Variants in TTC27 observed in about 807,000 individuals in gnomAD.
TTC27 encodes the protein tetratricopeptide repeat domain 27.
TTC27 carries 79 observed loss-of-function variants against 115.9 expected under a neutral mutation model. The observed-to-expected ratio is 0.68, with a 90% CI of 0.57 to 0.82. The LOEUF is 0.82. Ranked by LOEUF, TTC27 falls within the 40% of genes least tolerant of loss-of-function variation. The pLI is 0.00. For synonymous variants in TTC27, 401 were observed against 356.0 expected (o/e 1.13, Z -1.42); for missense variants, 1,054 against 993.1 (o/e 1.06, Z -0.82).
At chr2:32,803,463 G>A (rs1671027909) in intron 16 of TTC27, among the ~76,000 whole-genome samples, 1 of 152,228 alleles carries the variant, frequency 6.6e-6, no homozygotes, top group African/African-American at 2.4e-5. Flanking sequence ...GCCCATCTGT[G>A]AACCTTAGCA....
intron 9 of TTC27, among the ~76,000 whole-genome samples, chr2:32,679,429 C>G (rs1456910142): frequency 1.3e-5 from 2 of 152,048 alleles, no homozygotes; most frequent in Non-Finnish European, 2.9e-5. Flanking sequence ...AAAAGGAAAG[C>G]TGGAGTAATA....
At chr2:32,749,776 G>A (rs1024150021) in intron 12 of TTC27, among the ~76,000 whole-genome samples, 7 of 152,130 alleles carry the variant, frequency 4.6e-5, no homozygotes, top group Non-Finnish European at 1.0e-4. Flanking sequence ...TCAAAAATGG[G>A]CATGTTAATA....
chr2:32,766,707 G>A (rs75057644), intron 13 of TTC27, among the ~76,000 whole-genome samples: 10,076 of 152,250 alleles, frequency 0.066, 335 homozygotes, highest in Middle Eastern at 0.12. Context: ...ACAGAGACAC[G>A]AAGTAAGCAC....
chr2:32,645,392 T>C (rs983986777), intron 4 of TTC27, among the ~76,000 whole-genome samples: 1 of 152,216 alleles, frequency 6.6e-6, no homozygotes, highest in African/African-American at 2.4e-5. Flanking sequence ...TGCTCCCTGC[T>C]GTCTGGGAGG....
chr2:32,653,798 A>G (rs911373120), intron 5 of TTC27, among the ~76,000 whole-genome samples: 2 of 152,202 alleles, frequency 1.3e-5, no homozygotes, highest in African/African-American at 4.8e-5. Flanking sequence ...TGGTTTTAGC[A>G]TACATTTTAA....
chr2:32,733,325 G>C (rs1250182530), intron 10 of TTC27, among the ~76,000 whole-genome samples: 1 of 152,234 alleles, frequency 6.6e-6, no homozygotes, highest in Admixed American at 6.5e-5. Context: ...TCACATGAGT[G>C]AATGTCCAGC....
chr2:32,726,091 C>T (rs573432065), intron 10 of TTC27, among the ~76,000 whole-genome samples: 5 of 151,982 alleles, frequency 3.3e-5, no homozygotes, highest in Admixed American at 2.0e-4. Flanking sequence ...CCCACAAAAC[C>T]ACTCTTTCCT....
Position 32,664,442 on chromosome 2 carries a change from C to T in TTC27, c.780C>T (p.Ile260=). ...AKDQLDIAKD[I]SQLQIDLTGA... ...ATCAGTTGGATATTGCTAAGGACAT[C>T]AGCCAATTACAAATTGATTTGACAG... The change falls in exon 6 of 20, where the codon ATC becomes ATT. Residue 260 remains isoleucine, a synonymous_variant. Coordinates refer to ENST00000317907, the MANE Select transcript of TTC27 (RefSeq NM_017735.5). 6.2e-7 allele frequency: 1 copy of T among 1,602,972 alleles called. No homozygotes were observed. The highest frequency in any genetic ancestry group is 8.5e-7 in the Non-Finnish European group (1 of 1,177,664).
At chr2:32,662,761 T>A (rs1359595501) in intron 5 of TTC27, among the ~76,000 whole-genome samples, 2 of 152,302 alleles carry the variant, frequency 1.3e-5, no homozygotes. Context: ...AAGGGTTTTT[T>A]GTGTCTCTAT....
At chr2:32,760,671 T>A (rs1669404630) in intron 13 of TTC27, among the ~76,000 whole-genome samples, 1 of 152,202 alleles carries the variant, frequency 6.6e-6, no homozygotes, top group Non-Finnish European at 1.5e-5. Flanking sequence ...TGAAAAACTG[T>A]ATCATATCCT....
intron 12 of TTC27, among the ~76,000 whole-genome samples, chr2:32,756,897 GT>G (rs1187280353): frequency 1.3e-5 from 2 of 152,196 alleles, no homozygotes; most frequent in Admixed American, 6.5e-5. Context: ...GGTGGACATG[GT>G]GGTGGGAGGA....
chr2:32,709,075 T>C (rs1667484855), intron 10 of TTC27, among the ~76,000 whole-genome samples: 1 of 152,158 alleles, frequency 6.6e-6, no homozygotes, highest in African/African-American at 2.4e-5. Flanking sequence ...ATAAGATAAA[T>C]ATACATGAGT....
intron 10 of TTC27, 87 bp from the exon 11 acceptor site, chr2:32,733,741 T>C: frequency 2.8e-6 from 2 of 716,230 alleles, no homozygotes; most frequent in Non-Finnish European, 4.3e-6. Flanking sequence ...GTTGTTTATA[T>C]GTGCATTTGT....
chr2:32,705,512 C>T (rs938293607), intron 10 of TTC27, among the ~76,000 whole-genome samples: 4 of 149,742 alleles, frequency 2.7e-5, no homozygotes, highest in African/African-American at 9.7e-5. Context: ...ACTATACTAA[C>T]GAGGAGGTTT....
At chr2:32,663,464 G>A (rs530723248) in intron 5 of TTC27, among the ~76,000 whole-genome samples, 179 of 152,184 alleles carry the variant, frequency 1.2e-3, no homozygotes, top group African/African-American at 4.1e-3. Context: ...TGATCGCCTC[G>A]CCCTGCTTTG....
chr2:32,628,363 AG>A lies in TTC27; in HGVS notation c.76del (p.Val26SerfsTer23), dbSNP rs754912390. On this transcript the variant is annotated frameshift_variant, in exon 1 of 20. Transcript: ENST00000317907. LOFTEE classifies it high-confidence loss of function. ...TEAERQQWKQ[E>X]GVVGSESGSF... ...GCTGAGCGGCAGCAATGGAAACAGG[AG>A]GGGGTCGTCGGTTCAGGTGAGAGGC... 1.2e-6 allele frequency: 2 copies of A among 1,604,936 alleles called. No homozygotes were observed. Among genetic ancestry groups the A allele is most frequent in the South Asian group, 1.1e-5 (1 of 88,816 alleles).
rs1670589480 is a variant in TTC27, at chr2:32,793,057, T to C, written c.1998+5908T>C. Among the ~76,000 whole-genome samples the C allele has an allele frequency of 2.6e-5, 4 of 152,236 alleles. No individual in the cohort carries two copies. The South Asian group carries it at 8.3e-4, about 32-fold the overall frequency. On this transcript the variant is annotated intron_variant, in intron 16 of 19. Coordinates refer to ENST00000317907, the MANE Select transcript of TTC27 (RefSeq NM_017735.5). ...TACTATTACCTAAATGAAATCAAGATGTGGGTAAGGGATTTAAAGGCCATT... is the reference window on the plus strand; with the variant it reads ...TACTATTACCTAAATGAAATCAAGACGTGGGTAAGGGATTTAAAGGCCATT...
chr2:32,763,328 C>G (rs943421810), intron 13 of TTC27, among the ~76,000 whole-genome samples: 1 of 152,104 alleles, frequency 6.6e-6, no homozygotes, highest in Admixed American at 6.6e-5. Flanking sequence ...TATGTTGTCT[C>G]CTTTAAGACC....
intron 10 of TTC27, among the ~76,000 whole-genome samples, chr2:32,715,481 T>A (rs1667723075): frequency 6.6e-6 from 1 of 152,174 alleles, no homozygotes; most frequent in African/African-American, 2.4e-5. Context: ...TGTGGCCTTG[T>A]GGTACAGTTT....
Sources: allele counts gnomAD v4.1 joint callset (sites outside exome capture counted in the v4.1 genomes callset), GRCh38; gene constraint gnomAD v4.1.1; transcripts MANE v1.5; gene names NCBI Gene and HGNC (gene_info 2026-07-23, HGNC 2026-07-21).